The following UST variants were observed in gnomAD, a reference collection of about 807,000 sequenced individuals.
UST encodes the protein chondroitin sulfate 2-O-sulfotransferase.
Under a neutral mutation model 45.6 loss-of-function variants are expected in UST, and 21 were observed. That is an observed-to-expected ratio of 0.46 (90% CI 0.33 to 0.66). The LOEUF (loss-of-function observed/expected upper bound fraction) is 0.66. Ranked by LOEUF, UST falls within the 30% of genes least tolerant of loss-of-function variation. UST has a pLI of 0.02. For missense variants in UST, 463 were observed against 512.4 expected, an observed-to-expected ratio of 0.90 and a Z score of 0.93; for synonymous variants, 215 against 200.6, an observed-to-expected ratio of 1.07 and a Z score of -0.61.
chr6:148,929,265 C>A (rs767467716), intron 2 of UST, among the ~76,000 whole-genome samples: 3 of 152,130 alleles, frequency 2.0e-5, no homozygotes, highest in Non-Finnish European at 4.4e-5. Context: ...TCCACCCTAG[C>A]TCATGAGTGA....
chr6:149,057,566 G>T (rs1776582614), intron 7 of UST, among the ~76,000 whole-genome samples: 1 of 152,178 alleles, frequency 6.6e-6, no homozygotes, highest in South Asian at 2.1e-4. Flanking sequence ...AAAGGCACAT[G>T]ATCGCTTATG....
chr6:149,058,311 C>T (rs1362994697), intron 7 of UST, among the ~76,000 whole-genome samples: 2 of 150,444 alleles, frequency 1.3e-5, no homozygotes, highest in Non-Finnish European at 2.9e-5. Flanking sequence ...AGTGTGATTT[C>T]AGGAGAGGGC....
intron 1 of UST, among the ~76,000 whole-genome samples, chr6:148,760,306 G>A (rs1348366846): frequency 6.6e-6 from 1 of 152,196 alleles, no homozygotes; most frequent in African/African-American, 2.4e-5. Flanking sequence ...CTCACTATGT[G>A]ATAGGTGAAA....
chr6:148,844,450 A>G (rs1057015250), intron 1 of UST, among the ~76,000 whole-genome samples: 3 of 152,180 alleles, frequency 2.0e-5, no homozygotes, highest in Non-Finnish European at 4.4e-5. Flanking sequence ...CACATATCTT[A>G]CATGTACAGT....
intron 5 of UST, among the ~76,000 whole-genome samples, chr6:149,004,493 A>G (rs1208977076): frequency 6.6e-6 from 1 of 152,192 alleles, no homozygotes; most frequent in Admixed American, 6.5e-5. Flanking sequence ...GACATGATGA[A>G]GGGCCCATGG....
At chr6:149,019,302 G>C in intron 6 of UST, 66 bp downstream of exon 6, 1 of 1,187,876 alleles carries the variant, frequency 8.4e-7, no homozygotes, top group African/African-American at 1.5e-5. Flanking sequence ...CCACCAGCCT[G>C]GTACTCGGTG....
At chr6:148,914,530 G>A (rs1257355789) in intron 2 of UST, among the ~76,000 whole-genome samples, 1 of 152,064 alleles carries the variant, frequency 6.6e-6, no homozygotes, top group Non-Finnish European at 1.5e-5. Flanking sequence ...TCTATGATAT[G>A]TAGTCCAATT....
At chr6:148,773,589 CA>C (rs1162060421) in intron 1 of UST, among the ~76,000 whole-genome samples, 1 of 152,098 alleles carries the variant, frequency 6.6e-6, no homozygotes, top group Non-Finnish European at 1.5e-5. Flanking sequence ...TCTATGCACA[CA>C]CAAAACTACA....
intron 3 of UST, among the ~76,000 whole-genome samples, chr6:148,943,398 A>C (rs1780169860): frequency 6.6e-6 from 1 of 152,228 alleles, no homozygotes; most frequent in African/African-American, 2.4e-5. Flanking sequence ...CAGTATTTAA[A>C]TGTGCCTTGG....
chr6:149,018,685 C>G (rs1434370521), intron 5 of UST, among the ~76,000 whole-genome samples: 6 of 152,184 alleles, frequency 3.9e-5, no homozygotes, highest in Non-Finnish European at 8.8e-5. Flanking sequence ...CTAAAATTTG[C>G]AAACTCTTAT....
chr6:149,050,943 G>A (rs544838814), intron 7 of UST, among the ~76,000 whole-genome samples: 77 of 152,332 alleles, frequency 5.1e-4, no homozygotes, highest in African/African-American at 1.8e-3. Flanking sequence ...CACATGCCAA[G>A]GCTAATTGTG....
intron 7 of UST, among the ~76,000 whole-genome samples, chr6:149,055,794 C>T (rs1318797911): frequency 6.6e-6 from 1 of 152,172 alleles, no homozygotes; most frequent in Non-Finnish European, 1.5e-5. Context: ...CATGCTTGTG[C>T]TGCATCAAAA....
chr6:148,964,123 A>G (rs900976742), intron 4 of UST, among the ~76,000 whole-genome samples: 2 of 152,178 alleles, frequency 1.3e-5, no homozygotes, highest in Admixed American at 6.5e-5. Context: ...ACTAGACACC[A>G]TCTCTTCCTT....
intron 7 of UST, among the ~76,000 whole-genome samples, chr6:149,051,660 T>G (rs748870590): frequency 1.1e-4 from 16 of 152,242 alleles, no homozygotes; most frequent in Non-Finnish European, 2.1e-4. Context: ...CTCAGCAGGC[T>G]ATGGTTTCCC....
chr6:148,863,786 C>T (rs1196117380), intron 1 of UST, among the ~76,000 whole-genome samples: 1 of 152,180 alleles, frequency 6.6e-6, no homozygotes, highest in Non-Finnish European at 1.5e-5. Flanking sequence ...CCCTGTTTGC[C>T]TGGGTATCAC....
At chr6:148,799,838 C>A (rs144775730) in intron 1 of UST, among the ~76,000 whole-genome samples, 2 of 152,152 alleles carry the variant, frequency 1.3e-5, no homozygotes, top group Middle Eastern at 3.4e-3. Flanking sequence ...ATGTTCATTG[C>A]GAAATATTTT....
chr6:148,996,163 A>G (rs1781448908), intron 5 of UST, among the ~76,000 whole-genome samples: 1 of 152,154 alleles, frequency 6.6e-6, no homozygotes, highest in Admixed American at 6.5e-5. Flanking sequence ...TGTTCATGAT[A>G]AGAAAGAGGA....
chr6:148,780,058 C>CATATACAAATACATGTGTGTGTATAT (rs1776610848), intron 1 of UST, among the ~76,000 whole-genome samples: 1 of 149,778 alleles, frequency 6.7e-6, no homozygotes, highest in African/African-American at 2.5e-5. Context: ...TAGACACATA[C>CATATACAAATACATGTGTGTGTATAT]ATATACAAAT....
In UST at chr6:148,901,938, T is replaced by C. The variant is rs538209883; in HGVS notation, c.291+14909T>C. ...ACTTAACTGACAGAGGGCTGCAAGA[T>C]AGAGCATATGAATACTCTGAGCATT... On this transcript the variant is annotated intron_variant, in intron 2 of 7. Transcript: ENST00000367463. 1.4e-3 allele frequency among the ~76,000 whole-genome samples: 206 copies of C among 152,312 alleles called. 1 individual carries two copies. The highest frequency in any genetic ancestry group is 4.8e-3 in the African/African-American group (198 of 41,578).
Sources: allele counts gnomAD v4.1 joint callset (sites outside exome capture counted in the v4.1 genomes callset), GRCh38; gene constraint gnomAD v4.1.1; transcripts MANE v1.5; gene names NCBI Gene and HGNC (gene_info 2026-07-23, HGNC 2026-07-21).